Variants in HS2ST1 observed in about 807,000 individuals in gnomAD.
HS2ST1 encodes 2-O-sulfotransferase.
A neutral mutation model predicts 42.9 loss-of-function variants in HS2ST1; 18 were observed. That is an observed-to-expected ratio of 0.42 (90% CI 0.29 to 0.62). The LOEUF is 0.62. Among genes scored for constraint, HS2ST1 ranks in the 20% least tolerant of loss-of-function variants. The probability of loss-of-function intolerance (pLI) is 0.21; values close to 1 mark genes in which losing one functional copy is unlikely to be tolerated. For synonymous variants in HS2ST1, 146 were observed against 152.9 expected (o/e 0.95, Z 0.33); for missense variants, 334 against 433.8 (o/e 0.77, Z 2.04).
At chr1:87,094,673 AT>A (rs988708198) in intron 4 of HS2ST1, among the ~76,000 whole-genome samples, 2 of 152,154 alleles carry the variant, frequency 1.3e-5, no homozygotes, top group Admixed American at 1.3e-4. Flanking sequence ...CCAAAGTTGC[AT>A]ATTCAATATT....
At chr1:87,064,271 T>G (rs958546580) in intron 1 of HS2ST1, among the ~76,000 whole-genome samples, 3 of 152,218 alleles carry the variant, frequency 2.0e-5, no homozygotes, top group African/African-American at 7.2e-5. Flanking sequence ...AAGTCTGGAA[T>G]GTATGAGGCA....
rs1570466646 is a variant in HS2ST1, at chr1:86,987,871, G to A, written c.124+72711G>A. Among the ~76,000 whole-genome samples the A allele has an allele frequency of 3.9e-5, 6 of 152,170 alleles. No homozygotes were observed. The East Asian group carries it at 1.2e-3, about 29-fold the overall frequency. On this transcript the variant is annotated intron_variant, in intron 1 of 6. Transcript: ENST00000370550. ...TCTATTCAACTAGAAGGTAAGAACT[G>A]ACACCAGATATTGTAAGAAATTGGG...
chr1:87,058,123 G>T (rs958383772), intron 1 of HS2ST1, among the ~76,000 whole-genome samples: 1 of 151,580 alleles, frequency 6.6e-6, no homozygotes, highest in Non-Finnish European at 1.5e-5. Context: ...ACTTATCTCA[G>T]GGTTATGCAA....
intron 1 of HS2ST1, among the ~76,000 whole-genome samples, chr1:86,938,874 C>T (rs1046775971): frequency 5.3e-5 from 8 of 152,158 alleles, no homozygotes; most frequent in African/African-American, 1.4e-4. Flanking sequence ...ACTGCTATTA[C>T]GACAAAGTAA....
intron 1 of HS2ST1, among the ~76,000 whole-genome samples, chr1:86,915,722 G>C (rs1403842447): frequency 6.6e-6 from 1 of 152,214 alleles, no homozygotes; most frequent in African/African-American, 2.4e-5. Flanking sequence ...AAAGGACCTT[G>C]TAATTGCCAG....
At chr1:86,981,923 A>C (rs1430725110) in intron 1 of HS2ST1, among the ~76,000 whole-genome samples, 1 of 152,240 alleles carries the variant, frequency 6.6e-6, no homozygotes, top group Non-Finnish European at 1.5e-5. Flanking sequence ...CCGTCCTAGC[A>C]GAGGTTCTCC....
At chr1:87,006,408 A>G (rs1000125274) in intron 1 of HS2ST1, among the ~76,000 whole-genome samples, 56 of 152,162 alleles carry the variant, frequency 3.7e-4, no homozygotes, top group African/African-American at 1.2e-3. Flanking sequence ...ATTGAGGTAG[A>G]TAATGCACAC....
At chr1:87,058,016 T>G (rs1232110298) in intron 1 of HS2ST1, among the ~76,000 whole-genome samples, 1 of 151,718 alleles carries the variant, frequency 6.6e-6, no homozygotes, top group African/African-American at 2.4e-5. Context: ...TATTTCTGCT[T>G]CTTTCGATTT....
At chr1:87,084,632 C>T (rs1463346705) in intron 3 of HS2ST1, among the ~76,000 whole-genome samples, 8 of 152,266 alleles carry the variant, frequency 5.3e-5, no homozygotes, top group African/African-American at 1.9e-4. Context: ...AAAGCTCTCA[C>T]TAAGTTATTG....
intron 1 of HS2ST1, chr1:87,046,232 T>C: frequency 1.2e-6 from 1 of 861,008 alleles, no homozygotes; most frequent in South Asian, 1.3e-5. Context: ...GACAAGTAAC[T>C]ACTATCAAAG....
At chr1:86,995,927 G>A (rs1225277294) in intron 1 of HS2ST1, among the ~76,000 whole-genome samples, 1 of 152,102 alleles carries the variant, frequency 6.6e-6, no homozygotes, top group Non-Finnish European at 1.5e-5. Flanking sequence ...TAATTAAGAT[G>A]ATGAGAAAGC....
At position 87,019,049 on chromosome 1, in the gene HS2ST1, CTG is replaced by C. The variant is rs576238919; in HGVS notation, c.125-53883_125-53882del. 3.2e-4 allele frequency among the ~76,000 whole-genome samples: 49 copies of C among 152,180 alleles called. No homozygotes were observed. The East Asian group carries it at 4.6e-3, about 14-fold the overall frequency. ...TTCACTATAATGTTAGTTTTGATGA[CTG>C]TATTGATTTTCAAAACTGTCAGTTT... On this transcript the variant is annotated intron_variant, in intron 1 of 6. Coordinates refer to ENST00000370550, the MANE Select transcript of HS2ST1 (RefSeq NM_012262.4).
rs763232630 is a variant in HS2ST1, at chr1:86,915,057, G to T, written c.21G>T (p.Met7Ile). 3.6e-5 allele frequency: 58 copies of T among 1,614,060 alleles called. No individual in the cohort carries two copies. Among genetic ancestry groups the T allele is most frequent in the Non-Finnish European group, 4.8e-5 (57 of 1,180,036 alleles). Residue 7 changes from methionine (M) to isoleucine (I), a missense_variant, in exon 1 of 7, where the codon ATG becomes ATT. By Grantham distance (10) the Met-to-Ile change is conservative. Coordinates refer to ENST00000370550, the MANE Select transcript of HS2ST1 (RefSeq NM_012262.4). ...GTTTCATGGGGCTCCTCAGGATTATGATGCCGCCCAAGTTGCAGCTGCTGG... is the reference window on the plus strand; with the variant it reads ...GTTTCATGGGGCTCCTCAGGATTATTATGCCGCCCAAGTTGCAGCTGCTGG... MGLLRI[M>I]MPPKLQLLAV...
chr1:86,960,963 C>T (rs1647824234), intron 1 of HS2ST1, among the ~76,000 whole-genome samples: 1 of 152,088 alleles, frequency 6.6e-6, no homozygotes, highest in Non-Finnish European at 1.5e-5. Context: ...TAAAAATCTG[C>T]CGATACATGT....
At chr1:86,984,158 A>T (rs1648687548) in intron 1 of HS2ST1, among the ~76,000 whole-genome samples, 1 of 152,212 alleles carries the variant, frequency 6.6e-6, no homozygotes, top group Non-Finnish European at 1.5e-5. Flanking sequence ...GGTAGTATAG[A>T]TGAGAAAATT....
chr1:87,056,981 CTA>C (rs1363264669), intron 1 of HS2ST1, among the ~76,000 whole-genome samples: 1 of 152,114 alleles, frequency 6.6e-6, no homozygotes, highest in African/African-American at 2.4e-5. Flanking sequence ...CCAACTGTAT[CTA>C]TATGAGTCTG....
At chr1:86,999,698 C>G (rs923309749) in intron 1 of HS2ST1, among the ~76,000 whole-genome samples, 3 of 152,210 alleles carry the variant, frequency 2.0e-5, no homozygotes, top group African/African-American at 7.2e-5. Context: ...TGCTTTCCCC[C>G]CCAACTTACT....
intron 1 of HS2ST1, among the ~76,000 whole-genome samples, chr1:86,971,891 C>A (rs1399593129): frequency 6.6e-6 from 1 of 152,108 alleles, no homozygotes; most frequent in Non-Finnish European, 1.5e-5. Flanking sequence ...TATCACTCTT[C>A]AGAATTACTG....
At chr1:86,974,386 C>T (rs1478834960) in intron 1 of HS2ST1, among the ~76,000 whole-genome samples, 4 of 152,122 alleles carry the variant, frequency 2.6e-5, no homozygotes, top group Non-Finnish European at 5.9e-5. Flanking sequence ...TTCTGTGCAC[C>T]TCCTCTACCT....
Sources: gnomAD v4.1 joint callset for allele counts (sites outside exome capture counted in the v4.1 genomes callset) on GRCh38, gnomAD v4.1.1 for gene constraint, MANE v1.5 for transcripts, NCBI Gene and HGNC (gene_info 2026-07-23, HGNC 2026-07-21) for gene names.